Variants in LTBP4 observed in about 807,000 individuals in gnomAD.
The protein encoded by LTBP4 is latent-transforming growth factor beta-binding protein 4.
LTBP4 carries 93 observed loss-of-function variants against 180.2 expected under a neutral mutation model. That is an observed-to-expected ratio of 0.52 (90% CI 0.44 to 0.61). The LOEUF (loss-of-function observed/expected upper bound fraction) is 0.61, where lower values mean the gene tolerates loss of function less well. Among genes scored for constraint, LTBP4 ranks in the 20% least tolerant of loss-of-function variants. The pLI is 0.00. For missense variants in LTBP4, 2,116 were observed against 2,256.5 expected, an observed-to-expected ratio of 0.94 and a Z score of 1.26; for synonymous variants, 947 against 934.5, an observed-to-expected ratio of 1.01 and a Z score of -0.24.
At position 40,608,521 on chromosome 19, in the gene LTBP4, A is replaced by G; in HGVS notation, c.1344A>G (p.Glu448=). The G allele has an allele frequency of 6.2e-7, 1 of 1,606,672 alleles. No homozygotes were observed. The highest frequency in any genetic ancestry group is 1.3e-5 in the African/African-American group (1 of 74,840). ...CCCATCGCCTGGAGCCCCGGCCTGA[A>G]CCCCGGCCCGATCCCCGGCCCGGCC... ...LPTHRLEPRP[E]PRPDPRPGPE... is the part of the protein sequence containing the mutation. Residue 448 remains glutamate (E), a synonymous_variant, in exon 9 of 30, where the codon GAA becomes GAG. Coordinates refer to ENST00000396819, the MANE Select transcript of LTBP4 (RefSeq NM_001042545.2).
chr19:40,606,482 G>T lies in LTBP4; in HGVS notation c.947G>T (p.Cys316Phe). The T allele has an allele frequency of 1.9e-6, 3 of 1,578,276 alleles. No homozygotes were observed. The highest frequency in any genetic ancestry group is 2.6e-6 in the Non-Finnish European group (3 of 1,163,264). The change falls in exon 6 of 30, where the codon TGC (cysteine) becomes TTC (phenylalanine). Residue 316 changes from cysteine (C) to phenylalanine (F), a missense_variant. By Grantham distance (205) the Cys-to-Phe change is radical. This residue lies in a region of LTBP4 where 469 missense variants were observed against 532.5 expected (regional missense o/e 0.88). Transcript: ENST00000396819. ...ANTRGGYTCV[C>F]PDGFLLDSSR... is the part of the protein sequence containing the mutation. Reference sequence around the variant, plus strand: ...ACGCGCGGCGGGTACACGTGTGTGTGCCCCGACGGCTTTCTGCTCGACTCG... The same window carrying T: ...ACGCGCGGCGGGTACACGTGTGTGTTCCCCGACGGCTTTCTGCTCGACTCG...
At chr19:40,626,642 C>G (rs1222218131) in intron 27 of LTBP4, among the ~76,000 whole-genome samples, 1 of 152,108 alleles carries the variant, frequency 6.6e-6, no homozygotes, top group Non-Finnish European at 1.5e-5. Flanking sequence ...CATCCTGCCC[C>G]CTCAGGTCCC....
Position 40,613,923 on chromosome 19 carries a change from C to G in LTBP4, c.2565C>G (p.Asp855Glu), listed in dbSNP as rs2077407. ...GPRGASCLDV[D>E]ECSEEDLCQS... The stretch of plus-strand genomic sequence containing the variant: ...GGACGCCCTGTCCCGCAGACGTTGA[C>G]GAGTGCAGCGAGGAGGACCTTTGCC... Residue 855 changes from aspartate to glutamate, a missense_variant, in exon 18 of 30, where the codon GAC becomes GAG. Asp to Glu is a conservative substitution (Grantham distance 45, BLOSUM62 2). Transcript: ENST00000396819. This position sits in a 1 kb window ranked among gnomAD's most constrained non-coding sequence, Gnocchi z 5.0. 1 of 1,613,516 alleles carries G rather than the reference C, an allele frequency of 6.2e-7. No homozygotes were observed. The highest frequency in any genetic ancestry group is 8.5e-7 in the Non-Finnish European group (1 of 1,179,726).
intron 1 of LTBP4, chr19:40,593,205 G>A: frequency 6.2e-7 from 1 of 1,613,514 alleles, no homozygotes; most frequent in Non-Finnish European, 8.5e-7. Context: ...AAACCGGGGT[G>A]TTCTGAAATA....
Position 40,613,890 on chromosome 19 carries a change from G to C in LTBP4, c.2558-26G>C. 1.2e-6 allele frequency: 2 copies of C among 1,613,046 alleles called. No individual in the cohort carries two copies. Among genetic ancestry groups the C allele is most frequent in the Non-Finnish European group, 8.5e-7 (1 of 1,179,738 alleles). Reference sequence around the variant, plus strand: ...TGTTAGGCGGAGCGGGAGGTGGGCCGGGCCTTCGGACGCCCTGTCCCGCAG... The same window carrying C: ...TGTTAGGCGGAGCGGGAGGTGGGCCCGGCCTTCGGACGCCCTGTCCCGCAG... On this transcript the variant is annotated intron_variant, in intron 17 of 29. Coordinates refer to ENST00000396819, the MANE Select transcript of LTBP4 (RefSeq NM_001042545.2). The surrounding 1 kb of genome is among the most constrained non-coding windows in gnomAD (Gnocchi z 5.0).
At position 40,616,326 on chromosome 19, in the gene LTBP4, C is replaced by CAAAA. The variant is rs1220270634; in HGVS notation, c.2813-562_2813-561insAAAA. On this transcript the variant is annotated intron_variant, in intron 19 of 29. Coordinates refer to ENST00000396819, the MANE Select transcript of LTBP4 (RefSeq NM_001042545.2). ...GAAAAAAAAGCTGGATGGGGTGGCTCATGCCTATAATCCCAGCACTTTGGA... is the reference window on the plus strand; with the variant it reads ...GAAAAAAAAGCTGGATGGGGTGGCTCAAAAATGCCTATAATCCCAGCACTTTGGA... Among the ~76,000 whole-genome samples the CAAAA allele has an allele frequency of 2.4e-3, 344 of 145,590 alleles. 2 individuals carry two copies. The highest frequency in any genetic ancestry group is 3.6e-3 in the Middle Eastern group (1 of 274).
In LTBP4 at chr19:40,612,210, C is replaced by T; in HGVS notation, c.2299+18C>T. The stretch of plus-strand genomic sequence containing the variant: ...ATGCACTGGTGAGACCAGGCCCTGG[C>T]TGTGACCTTGGGCCTGCATCATGAC... On this transcript the variant is annotated intron_variant, in intron 15 of 29. Coordinates refer to ENST00000396819, the MANE Select transcript of LTBP4 (RefSeq NM_001042545.2). The T allele has an allele frequency of 2.5e-6, 4 of 1,581,266 alleles. No individual in the cohort carries two copies. Among genetic ancestry groups the T allele is most frequent in the Non-Finnish European group, 3.4e-6 (4 of 1,164,318 alleles).
intron 18 of LTBP4, 71 bp downstream of exon 18, chr19:40,614,109 CTG>C: frequency 3.1e-6 from 5 of 1,587,340 alleles, no homozygotes; most frequent in Non-Finnish European, 4.3e-6. Flanking sequence ...CCTCCCACCT[CTG>C]TCTTTCCTCC....
At position 40,623,650 on chromosome 19, in the gene LTBP4, C is replaced by A. The variant is rs374110878; in HGVS notation, c.3603C>A (p.Gly1201=). Residue 1201 remains glycine, a synonymous_variant, in exon 25 of 30, where the codon GGC becomes GGA. Coordinates refer to ENST00000396819, the MANE Select transcript of LTBP4 (RefSeq NM_001042545.2). ...TCCGAGACCAGGTGTGCAAGAGTGG[C>A]GTGTGTGTGAACACGGCCCCGGGCT... ...QLFRDQVCKS[G]VCVNTAPGYS... The A allele has an allele frequency of 1.7e-5, 28 of 1,613,818 alleles. No individual in the cohort carries two copies. The highest frequency in any genetic ancestry group is 2.2e-5 in the Non-Finnish European group (26 of 1,179,878).
At position 40,613,651 on chromosome 19, in the gene LTBP4, A is replaced by G; in HGVS notation, c.2557+122A>G. ...TTAGCCGGGGTATTCCAGCAGGATCAGGGGGCAGCTGGTGGGAGTCTCGAG... is the reference window on the plus strand; with the variant it reads ...TTAGCCGGGGTATTCCAGCAGGATCGGGGGGCAGCTGGTGGGAGTCTCGAG... On this transcript the variant is annotated intron_variant, in intron 17 of 29. Transcript: ENST00000396819. The surrounding 1 kb of genome is among the most constrained non-coding windows in gnomAD (Gnocchi z 5.0). 5 of 1,437,590 alleles carry G rather than the reference A, an allele frequency of 3.5e-6. No individual in the cohort carries two copies. The highest frequency in any genetic ancestry group is 4.7e-6 in the Non-Finnish European group (5 of 1,060,722). 89.1% of individuals were successfully genotyped at this position (1,437,590 alleles called of 1,614,324 possible).
chr19:40,599,304 G>T (rs779025310), upstream of LTBP4: 1 of 1,613,236 alleles, frequency 6.2e-7, no homozygotes, highest in Non-Finnish European at 8.5e-7. Flanking sequence ...GGGAATAGGA[G>T]GAGAGGGGCA....
At position 40,611,904 on chromosome 19, in the gene LTBP4, G is replaced by A. The variant is rs780086158; in HGVS notation, c.2099G>A (p.Arg700Gln). The A allele has an allele frequency of 6.8e-6, 11 of 1,609,546 alleles. No homozygotes were observed. The highest frequency in any genetic ancestry group is 2.7e-5 in the African/African-American group (2 of 74,826). Residue 700 changes from arginine (R) to glutamine (Q), a missense_variant, in exon 14 of 30, where the codon CGG becomes CAG. This residue lies in a region of LTBP4 where 877 missense variants were observed against 873.6 expected (regional missense o/e 1.00). Transcript: ENST00000396819. This position sits in a 1 kb window ranked among gnomAD's most constrained non-coding sequence, Gnocchi z 4.4. ...AGCCCCCCACCCTGCACCTACGGCC[G>A]GTGTGAGAACACAGAAGGCAGCTTC... Reference protein sequence around the residue: ...ARSPPPCTYGRCENTEGSFQC... With the variant: ...ARSPPPCTYGQCENTEGSFQC...
intron 18 of LTBP4, 115 bp from the exon 19 acceptor site, chr19:40,614,197 TCTC>T (rs1466509401): frequency 2.8e-6 from 4 of 1,442,752 alleles, no homozygotes; most frequent in Non-Finnish European, 2.8e-6. Flanking sequence ...ACCCCAATCT[TCTC>T]CTGCCCTCTC....
chr19:40,599,279 G>T (rs763964942), upstream of LTBP4: 35 of 1,613,784 alleles, frequency 2.2e-5, no homozygotes, highest in Admixed American at 5.8e-4. Context: ...GATGGAGTAT[G>T]AGTAGGGGGC....
chr19:40,604,501 C>CT (rs1024729501), intron 1 of LTBP4, among the ~76,000 whole-genome samples: 7 of 152,128 alleles, frequency 4.6e-5, no homozygotes, highest in African/African-American at 1.7e-4. Flanking sequence ...TGGTCTGGAA[C>CT]TCCGTGGACT....
chr19:40,607,322 T>A (rs1483656971), intron 6 of LTBP4, 43 bp from the exon 7 acceptor site: 1 of 1,145,640 alleles, frequency 8.7e-7, no homozygotes, highest in African/African-American at 1.8e-5. Context: ...TGCTACAGCA[T>A]TCCCAGCCCC....
intron 12 of LTBP4, 193 bp from the exon 13 acceptor site, chr19:40,610,959 A>G: frequency 1.3e-6 from 1 of 795,288 alleles, no homozygotes; most frequent in Non-Finnish European, 1.9e-6. Flanking sequence ...AGGCCTTCTC[A>G]TGGGGACTAC....
chr19:40,610,932 G>A (rs762272786), intron 12 of LTBP4: 1 of 721,724 alleles, frequency 1.4e-6, no homozygotes, highest in Non-Finnish European at 2.2e-6. Context: ...CAGAGTTATG[G>A]AGGAAAGGGG....
Position 40,608,494 on chromosome 19 carries a change from C to T in LTBP4, c.1317C>T (p.Pro439=). Residue 439 remains proline (P), a synonymous_variant, in exon 9 of 30, where the codon CCC becomes CCT. Coordinates refer to ENST00000396819, the MANE Select transcript of LTBP4 (RefSeq NM_001042545.2). ...CCCCTTCTTTATCAGGCTTTCTGCC[C>T]ACCCATCGCCTGGAGCCCCGGCCTG... The part of the protein sequence containing the change: ...ATSRPSAGFL[P]THRLEPRPEP... 3 of 1,603,584 alleles carry T rather than the reference C, an allele frequency of 1.9e-6. No homozygotes were observed. The South Asian group carries it at 3.4e-5, about 18-fold the overall frequency.
Sources: allele counts gnomAD v4.1 joint callset (sites outside exome capture counted in the v4.1 genomes callset), GRCh38; gene constraint gnomAD v4.1.1; regional missense constraint gnomAD v4.1.1; non-coding constraint Gnocchi (gnomAD v3.1); transcripts MANE v1.5; gene names NCBI Gene and HGNC (gene_info 2026-07-23, HGNC 2026-07-21).